The following CAST variants were observed in gnomAD, a reference collection of about 807,000 sequenced individuals.
The protein encoded by CAST is MIR583 host.
Under a neutral mutation model 119.6 loss-of-function variants are expected in CAST, and 76 were observed. The observed-to-expected ratio is 0.64, with a 90% CI of 0.53 to 0.77. CAST has a LOEUF of 0.77. Ranked by LOEUF, CAST falls within the 30% of genes least tolerant of loss-of-function variation. The pLI is 0.00. For missense variants in CAST, 953 were observed against 946.5 expected (o/e 1.01, Z -0.09); for synonymous variants, 319 against 331.6 (o/e 0.96, Z 0.41).
At chr5:96,471,293 C>T in the CAST span, among the ~76,000 whole-genome samples, 3 of 152,078 alleles carry the variant, frequency 2.0e-5, no homozygotes, top group African/African-American at 7.2e-5. Flanking sequence ...ACCTAAGTGG[C>T]CCCACTGAGA....
Position 96,534,763 on chromosome 5 carries a change from A to G in CAST, c.60+4883A>G, listed in dbSNP as rs1298296520. Among the ~76,000 whole-genome samples, 36 of 98,836 alleles carry G rather than the reference A, an allele frequency of 3.6e-4. 1 individual carries two copies. Among genetic ancestry groups the G allele is most frequent in the Middle Eastern group, 4.9e-3 (1 of 204 alleles). The allele number at this position is 98,836 out of a possible 152,430, so 64.8% of individuals were successfully genotyped here. The stretch of plus-strand genomic sequence containing the variant: ...AGAGAAAGAAAGAAAGAAAGAAAGA[A>G]AGAAAGAAAGAAAGAAAGAAAGAAA... On this transcript the variant is annotated intron_variant, in intron 1 of 11. Transcript: ENST00000505143.
At chr5:96,073,625 T>C in the CAST span, among the ~76,000 whole-genome samples, 2 of 152,128 alleles carry the variant, frequency 1.3e-5, no homozygotes, top group South Asian at 4.1e-4. Flanking sequence ...CATCAGACAT[T>C]AGTTAGATTC....
the CAST span, among the ~76,000 whole-genome samples, chr5:96,292,010 A>C: frequency 6.6e-6 from 1 of 152,180 alleles, no homozygotes; most frequent in East Asian, 1.9e-4. Context: ...ACCTAGAACA[A>C]TTCAGACTTT....
rs1764302656 is a variant in CAST, at chr5:96,748,632, A to G, written c.1428+19A>G. On this transcript the variant is annotated intron_variant, in intron 19 of 31. Coordinates refer to ENST00000675179, the MANE Select transcript of CAST (RefSeq NM_001750.7). The stretch of plus-strand genomic sequence containing the variant: ...GACAGAAGTATGTTTCTAAACATAT[A>G]AATCTCTAGTTTTGAGGTTTGTGAT... 3 of 1,183,880 alleles carry G rather than the reference A, an allele frequency of 2.5e-6. No homozygotes were observed. Among genetic ancestry groups the G allele is most frequent in the African/African-American group, 1.5e-5 (1 of 65,984 alleles). 73.3% of individuals were successfully genotyped at this position (1,183,880 alleles called of 1,614,324 possible). A position where few individuals can be genotyped will look rare whatever the true frequency, so the allele number is the denominator to read the frequency against.
chr5:96,643,536 G>A (rs777465394), intron 1 of CAST, among the ~76,000 whole-genome samples: 55 of 151,996 alleles, frequency 3.6e-4, no homozygotes, highest in Non-Finnish European at 7.1e-4. Flanking sequence ...TCAGGAGTTC[G>A]AGACCAGTCT....
the CAST span, among the ~76,000 whole-genome samples, chr5:96,343,599 A>C: frequency 3.9e-5 from 6 of 152,220 alleles, no homozygotes; most frequent in Admixed American, 3.9e-4. Flanking sequence ...ACTGAGAAAC[A>C]CACAAAGGAT....
chr5:96,493,898 G>A, the CAST span, among the ~76,000 whole-genome samples: 5 of 152,168 alleles, frequency 3.3e-5, no homozygotes, highest in Non-Finnish European at 5.9e-5. Context: ...AGTCACTCAC[G>A]GTGGTGCACA....
the CAST span, among the ~76,000 whole-genome samples, chr5:96,300,404 G>A: frequency 6.6e-6 from 1 of 152,168 alleles, no homozygotes; most frequent in Middle Eastern, 3.4e-3. Context: ...AAAATCAATT[G>A]ACCATAGATA....
chr5:96,204,007 G>A, the CAST span, among the ~76,000 whole-genome samples: 4 of 152,030 alleles, frequency 2.6e-5, no homozygotes, highest in Admixed American at 6.6e-5. Context: ...TCGAAGGAAT[G>A]GAACAGCAGA....
the CAST span, among the ~76,000 whole-genome samples, chr5:96,331,387 A>G: frequency 6.6e-5 from 10 of 152,330 alleles, no homozygotes; most frequent in Non-Finnish European, 1.5e-4. Flanking sequence ...GGCATCCCCC[A>G]CTTCTAAGTT....
the CAST span, chr5:96,425,928 C>T: frequency 6.3e-7 from 1 of 1,589,944 alleles, no homozygotes; most frequent in Non-Finnish European, 8.6e-7. Context: ...CAGCCCATAT[C>T]ACCTACAAGG....
chr5:96,078,327 C>G, the CAST span, among the ~76,000 whole-genome samples: 1 of 152,138 alleles, frequency 6.6e-6, no homozygotes, highest in Non-Finnish European at 1.5e-5. Flanking sequence ...CCCAAGTACA[C>G]AGCCTCCTAA....
chr5:96,216,404 C>T, the CAST span, among the ~76,000 whole-genome samples: 1 of 152,144 alleles, frequency 6.6e-6, no homozygotes, highest in South Asian at 2.1e-4. Flanking sequence ...GGATATTCTT[C>T]TTTATAATAC....
the CAST span, among the ~76,000 whole-genome samples, chr5:96,270,752 TG>T: frequency 2.6e-5 from 4 of 152,010 alleles, no homozygotes; most frequent in Non-Finnish European, 4.4e-5. Context: ...GAACAGCTAA[TG>T]AATGCTGGGC....
the CAST span, among the ~76,000 whole-genome samples, chr5:96,327,701 G>A: frequency 1.3e-5 from 2 of 152,172 alleles, no homozygotes; most frequent in Non-Finnish European, 2.9e-5. Flanking sequence ...TCTTTTAACT[G>A]TGTTGTGCTT....
the CAST span, among the ~76,000 whole-genome samples, chr5:96,002,033 A>G: frequency 2.0e-5 from 3 of 152,244 alleles, no homozygotes; most frequent in Admixed American, 6.5e-5. Context: ...GGCTGCTTAT[A>G]TGTGAGTAAT....
the CAST span, among the ~76,000 whole-genome samples, chr5:96,067,598 A>G: frequency 2.0e-5 from 3 of 152,218 alleles, no homozygotes; most frequent in Non-Finnish European, 2.9e-5. Context: ...AAATGGGCAT[A>G]CCTGTGCTTA....
At chr5:96,208,717 C>T in the CAST span, among the ~76,000 whole-genome samples, 1,482 of 150,654 alleles carry the variant, frequency 9.8e-3, 27 homozygotes, top group African/African-American at 0.031. Context: ...TTTTTTAATT[C>T]GCTGAAAATT....
chr5:96,478,723 T>C, the CAST span, among the ~76,000 whole-genome samples: 1 of 152,204 alleles, frequency 6.6e-6, no homozygotes, highest in African/African-American at 2.4e-5. Flanking sequence ...TTTTACCTAA[T>C]GAGAAGTATT....
Sources: gnomAD v4.1 joint callset for allele counts (sites outside exome capture counted in the v4.1 genomes callset) on GRCh38, gnomAD v4.1.1 for gene constraint, MANE v1.5 for transcripts, NCBI Gene and HGNC (gene_info 2026-07-23, HGNC 2026-07-21) for gene names.